BMPR1B: variants seen among roughly 807,000 people sequenced by gnomAD.
BMPR1B encodes the protein bone morphogenetic protein receptor type 1B.
A neutral mutation model predicts 59.1 loss-of-function variants in BMPR1B; 12 were observed. The observed-to-expected ratio is 0.20, with a 90% confidence interval of 0.13 to 0.33. BMPR1B has a LOEUF of 0.33. Ranked by LOEUF, BMPR1B falls within the 10% of genes least tolerant of loss-of-function variation. BMPR1B has a pLI of 1.00. For missense variants in BMPR1B, 550 were observed against 610.9 expected, an observed-to-expected ratio of 0.90 and a Z score of 1.05; for synonymous variants, 237 against 207.3, an observed-to-expected ratio of 1.14 and a Z score of -1.23.
chr4:94,818,574 A>G (rs935059683), intron 1 of BMPR1B, among the ~76,000 whole-genome samples: 1 of 152,224 alleles, frequency 6.6e-6, no homozygotes, highest in African/African-American at 2.4e-5. Flanking sequence ...ACAGCCAGAA[A>G]TCCTCCTCTT....
chr4:94,792,706 T>A (rs1156429967), intron 1 of BMPR1B, among the ~76,000 whole-genome samples: 1 of 152,204 alleles, frequency 6.6e-6, no homozygotes, highest in East Asian at 1.9e-4. Flanking sequence ...GATGACTTTT[T>A]AAATTGTGAC....
At chr4:94,812,820 C>T (rs991116108) in intron 1 of BMPR1B, among the ~76,000 whole-genome samples, 30 of 151,888 alleles carry the variant, frequency 2.0e-4, no homozygotes, top group Non-Finnish European at 2.6e-4. Context: ...AGGATAACAG[C>T]GTATACAATT....
rs185331564 is a variant in BMPR1B, at chr4:94,968,050, A to G, written c.-112-27990A>G. Among the ~76,000 whole-genome samples the G allele has an allele frequency of 1.8e-3, 269 of 152,330 alleles. 1 individual carries two copies. The highest frequency in any genetic ancestry group is 6.3e-3 in the African/African-American group (263 of 41,580). ...TGATTACTTTTCCCGTTAGTTACAC[A>G]ATATAAACTATGCTTGTAACTTTAC... On this transcript the variant is annotated intron_variant, in intron 2 of 12. Coordinates refer to ENST00000515059, the MANE Select transcript of BMPR1B (RefSeq NM_001203.3).
At chr4:94,791,332 A>G (rs1050491556) in intron 1 of BMPR1B, among the ~76,000 whole-genome samples, 1 of 152,120 alleles carries the variant, frequency 6.6e-6, no homozygotes, top group Non-Finnish European at 1.5e-5. Flanking sequence ...TGATGATTCT[A>G]TTTGGGATAG....
intron 1 of BMPR1B, among the ~76,000 whole-genome samples, chr4:94,842,165 T>G (rs1346510733): frequency 1.3e-5 from 2 of 152,208 alleles, no homozygotes; most frequent in Non-Finnish European, 2.9e-5. Context: ...TAATTTTAAC[T>G]TTACGTTATA....
chr4:94,983,950 A>G (rs1386417266), intron 2 of BMPR1B, among the ~76,000 whole-genome samples: 1 of 152,272 alleles, frequency 6.6e-6, no homozygotes, highest in Admixed American at 6.5e-5. Context: ...GAATGAAAGC[A>G]TAAAATAAAT....
In BMPR1B at chr4:94,800,290, A is replaced by G. The variant is rs189724523; in HGVS notation, c.-183+42222A>G. Among the ~76,000 whole-genome samples, 496 of 152,284 alleles carry G rather than the reference A, an allele frequency of 3.3e-3. 4 individuals carry two copies. Among genetic ancestry groups the G allele is most frequent in the African/African-American group, 0.011 (469 of 41,554 alleles). Reference sequence around the variant, plus strand: ...TTTGGATTCAGATGTGAGATTTTGTATTTGTTTATAGTTGAATGTGTAGGG... The same window carrying G: ...TTTGGATTCAGATGTGAGATTTTGTGTTTGTTTATAGTTGAATGTGTAGGG... On this transcript the variant is annotated intron_variant, in intron 1 of 12. Transcript: ENST00000515059.
chr4:94,843,005 T>A (rs997572450), intron 1 of BMPR1B, among the ~76,000 whole-genome samples: 8 of 152,250 alleles, frequency 5.3e-5, no homozygotes, highest in African/African-American at 1.9e-4. Flanking sequence ...TAAAAACTCT[T>A]AGTTATTTTC....
chr4:94,861,172 CCTG>C (rs1725963323), intron 1 of BMPR1B, among the ~76,000 whole-genome samples: 1 of 152,118 alleles, frequency 6.6e-6, no homozygotes, highest in South Asian at 2.1e-4. Flanking sequence ...AAATCCCAGT[CCTG>C]CTGCTTGCTA....
At chr4:94,770,180 G>GGTTTTTTTTTTTTTT (rs771544268) in intron 1 of BMPR1B, among the ~76,000 whole-genome samples, 10 of 106,244 alleles carry the variant, frequency 9.4e-5, no homozygotes, top group African/African-American at 3.3e-4. Flanking sequence ...CTTCGTTTCT[G>GGTTTTTTTTTTTTTT]TGTTTGTTTT....
intron 2 of BMPR1B, among the ~76,000 whole-genome samples, chr4:94,941,428 T>C (rs1174319035): frequency 7.2e-6 from 1 of 138,566 alleles, no homozygotes; most frequent in African/African-American, 2.7e-5. Flanking sequence ...GTGAAAACTG[T>C]CTCAAAAAAA....
At chr4:95,030,068 C>G (rs1269641978) in intron 3 of BMPR1B, among the ~76,000 whole-genome samples, 23 of 151,354 alleles carry the variant, frequency 1.5e-4, no homozygotes, top group African/African-American at 5.6e-4. Flanking sequence ...TTGTAGGTTG[C>G]CTGTTCACTC....
intron 2 of BMPR1B, among the ~76,000 whole-genome samples, chr4:94,967,839 T>A (rs1730611636): frequency 1.3e-5 from 2 of 151,828 alleles, no homozygotes; most frequent in Non-Finnish European, 2.9e-5. Flanking sequence ...AGATTTTTTT[T>A]CTTCACTTAA....
chr4:95,010,984 T>G (rs1723184992), intron 3 of BMPR1B, among the ~76,000 whole-genome samples: 1 of 152,234 alleles, frequency 6.6e-6, no homozygotes, highest in African/African-American at 2.4e-5. Context: ...TAGAAAAAAC[T>G]AAAAGTTATT....
intron 6 of BMPR1B, 102 bp from the exon 7 acceptor site, chr4:95,123,708 T>C: frequency 5.6e-6 from 5 of 900,198 alleles, no homozygotes; most frequent in Non-Finnish European, 8.8e-6. Context: ...TCTTTCACAT[T>C]TTGTGCGTGA....
At chr4:94,978,245 A>C (rs1287222160) in intron 2 of BMPR1B, among the ~76,000 whole-genome samples, 1 of 152,230 alleles carries the variant, frequency 6.6e-6, no homozygotes, top group Non-Finnish European at 1.5e-5. Context: ...TAGTAGATTA[A>C]AACAACAAAA....
At chr4:95,129,726 A>G in intron 8 of BMPR1B, 136 bp from the exon 9 acceptor site, 1 of 767,242 alleles carries the variant, frequency 1.3e-6, no homozygotes, top group Non-Finnish European at 2.1e-6. Context: ...ATAAATACAA[A>G]TAAGTTGTCT....
chr4:94,997,842 G>T (rs62316229), intron 3 of BMPR1B, among the ~76,000 whole-genome samples: 39,327 of 151,836 alleles, frequency 0.26, 6,097 homozygotes, highest in South Asian at 0.43. Context: ...TTTTTATTCA[G>T]TATCTTTTAT....
chr4:94,814,226 A>G (rs1366104154), intron 1 of BMPR1B, among the ~76,000 whole-genome samples: 2 of 152,206 alleles, frequency 1.3e-5, no homozygotes, highest in East Asian at 1.9e-4. Flanking sequence ...TGTTTTATTC[A>G]TATTATCTCA....
Sources: gnomAD v4.1 joint callset for allele counts (sites outside exome capture counted in the v4.1 genomes callset) on GRCh38, gnomAD v4.1.1 for gene constraint, MANE v1.5 for transcripts, NCBI Gene and HGNC (gene_info 2026-07-23, HGNC 2026-07-21) for gene names.